The following DDR2 variants were observed in gnomAD, a reference collection of about 807,000 sequenced individuals.
The protein encoded by DDR2 is discoidin domain-containing receptor 2.
In DDR2, 27 loss-of-function variants were observed where a neutral mutation model predicts 94.9. The observed-to-expected ratio is 0.28, with a 90% CI of 0.21 to 0.39. The LOEUF is 0.39. Ranked by LOEUF, DDR2 falls within the 10% of genes least tolerant of loss-of-function variation. The probability of loss-of-function intolerance (pLI) is 1.00; values close to 1 mark genes in which losing one functional copy is unlikely to be tolerated. For missense variants in DDR2, 783 were observed against 1,076.0 expected, an observed-to-expected ratio of 0.73 and a Z score of 3.81; for synonymous variants, 382 against 377.2, an observed-to-expected ratio of 1.01 and a Z score of -0.15.
chr1:162,678,506 A>G (rs1374902946), intron 2 of DDR2, among the ~76,000 whole-genome samples: 1 of 152,232 alleles, frequency 6.6e-6, no homozygotes, highest in African/African-American at 2.4e-5. Context: ...AAGTTAGAGC[A>G]GGGAGGAACC....
chr1:162,644,793 A>G (rs1036376625), intron 1 of DDR2, among the ~76,000 whole-genome samples: 2 of 151,776 alleles, frequency 1.3e-5, no homozygotes, highest in Non-Finnish European at 1.5e-5. Context: ...AGGGGGTTTC[A>G]CTCTGTTGGC....
intron 1 of DDR2, among the ~76,000 whole-genome samples, chr1:162,654,370 T>A (rs6689500): frequency 6.6e-6 from 1 of 151,980 alleles, no homozygotes; most frequent in Non-Finnish European, 1.5e-5. Context: ...CACTTGAGCC[T>A]GGGGGTTCAA....
intron 1 of DDR2, among the ~76,000 whole-genome samples, chr1:162,642,081 C>T (rs749781743): frequency 3.3e-5 from 5 of 152,176 alleles, no homozygotes; most frequent in South Asian, 2.1e-4. Flanking sequence ...CCTCAGCCTC[C>T]GAAGTAGCTG....
intron 7 of DDR2, among the ~76,000 whole-genome samples, chr1:162,757,664 A>G (rs530379654): frequency 1.3e-5 from 2 of 152,284 alleles, no homozygotes; most frequent in African/African-American, 4.8e-5. Context: ...AAGCTGAGGA[A>G]GGACATGATT....
intron 14 of DDR2, among the ~76,000 whole-genome samples, chr1:162,774,899 A>T (rs1477274446): frequency 1.3e-5 from 2 of 152,158 alleles, no homozygotes; most frequent in African/African-American, 4.8e-5. Context: ...CCAGTCCAGG[A>T]TTCCTAGCAA....
chr1:162,673,595 A>ATGTG (rs1375441574), intron 2 of DDR2, among the ~76,000 whole-genome samples: 1 of 105,274 alleles, frequency 9.5e-6, no homozygotes, highest in African/African-American at 4.4e-5. Flanking sequence ...GTGTGTGTGT[A>ATGTG]TGTGTGTGTG....
intron 3 of DDR2, among the ~76,000 whole-genome samples, chr1:162,736,350 T>G (rs1662295949): frequency 6.6e-6 from 1 of 152,240 alleles, no homozygotes; most frequent in Admixed American, 6.5e-5. Flanking sequence ...AGGAGCTTGC[T>G]CAGATCCCAC....
intron 3 of DDR2, among the ~76,000 whole-genome samples, chr1:162,726,548 A>T (rs1398578973): frequency 6.6e-6 from 1 of 152,228 alleles, no homozygotes; most frequent in South Asian, 2.1e-4. Flanking sequence ...TAATGCAAGA[A>T]AAAACAAAGC....
At chr1:162,708,993 C>G (rs1016078472) in intron 2 of DDR2, among the ~76,000 whole-genome samples, 5 of 152,122 alleles carry the variant, frequency 3.3e-5, no homozygotes, top group African/African-American at 1.2e-4. Context: ...GAGACAGGTA[C>G]TAGGTTCTAG....
rs546710317 is a variant in DDR2, at chr1:162,786,185, C to T, written c.*5939C>T. On this transcript the variant is annotated 3_prime_UTR_variant, in exon 18 of 18. Transcript: ENST00000367921. ...GACACAATTGAAAGCTGGCTTCCTG[C>T]AAACACACCAAGAGTCTGTAATCTA... The T allele has an allele frequency of 2.0e-5, 3 of 152,334 alleles. No homozygotes were observed. The South Asian group carries it at 6.2e-4, about 32-fold the overall frequency. 9.4% of individuals were successfully genotyped at this position (152,334 alleles called of 1,614,324 possible).
rs527947181 is a variant in DDR2, at chr1:162,636,223, T to C, written c.-192+3592T>C. 1.5e-4 allele frequency among the ~76,000 whole-genome samples: 23 copies of C among 152,376 alleles called. No individual in the cohort carries two copies. In the South Asian group the frequency reaches 4.8e-3, roughly 32 times the overall value. ...CAGCATTTGGCAAATTGTGTACTTA[T>C]TAGCTGGAATCTTACTTTGGCTTTG... On this transcript the variant is annotated intron_variant, in intron 1 of 17. Coordinates refer to ENST00000367921, the MANE Select transcript of DDR2 (RefSeq NM_006182.4).
In DDR2 at chr1:162,668,909, AG is replaced by A. The variant is rs750765753; in HGVS notation, c.-28+13537del. Among the ~76,000 whole-genome samples the A allele has an allele frequency of 9.9e-5, 15 of 152,212 alleles. No individual in the cohort carries two copies. The East Asian group carries it at 2.9e-3, about 29-fold the overall frequency. On this transcript the variant is annotated intron_variant, in intron 2 of 17. Transcript: ENST00000367921. ...AATTCAACCCACCATGCTATTAAAT[AG>A]GTAGGGATGTGGAGAGATTTGACTT...
Position 162,667,946 on chromosome 1 carries a change from C to A in DDR2, c.-28+12572C>A, listed in dbSNP as rs73018591. ...GGAGACCAAGAATTATTACTCAGAGCATTGGAGAGAGGCTGGAAAGAAAAA... is the reference window on the plus strand; with the variant it reads ...GGAGACCAAGAATTATTACTCAGAGAATTGGAGAGAGGCTGGAAAGAAAAA... On this transcript the variant is annotated intron_variant, in intron 2 of 17. Coordinates refer to ENST00000367921, the MANE Select transcript of DDR2 (RefSeq NM_006182.4). Among the ~76,000 whole-genome samples, 1,256 of 152,136 alleles carry A rather than the reference C, an allele frequency of 8.3e-3. 26 individuals carry two copies. Among genetic ancestry groups the A allele is most frequent in the African/African-American group, 0.028 (1,165 of 41,494 alleles).
Position 162,764,552 on chromosome 1 carries a change from G to A in DDR2, c.1100-1449G>A, listed in dbSNP as rs117345935. Among the ~76,000 whole-genome samples, 9 of 152,212 alleles carry A rather than the reference G, an allele frequency of 5.9e-5. No homozygotes were observed. The East Asian group carries it at 1.5e-3, about 26-fold the overall frequency. On this transcript the variant is annotated intron_variant, in intron 9 of 17. Coordinates refer to ENST00000367921, the MANE Select transcript of DDR2 (RefSeq NM_006182.4). ...CAGGTGTAAAATAACATAAAAGAGA[G>A]GAAGAGACTAATTTAAAGATAAACC...
intron 1 of DDR2, among the ~76,000 whole-genome samples, chr1:162,643,582 G>A (rs1029022658): frequency 6.6e-6 from 1 of 151,808 alleles, no homozygotes; most frequent in South Asian, 2.1e-4. Context: ...CCCGGCTCAG[G>A]TGATTCTCCT....
At position 162,767,408 on chromosome 1, in the gene DDR2, CT is replaced by C. The variant is rs376755450; in HGVS notation, c.1293+51del. The C allele has an allele frequency of 1.0e-4, 165 of 1,607,690 alleles. 1 individual carries two copies. In the African/African-American group the frequency reaches 1.9e-3, roughly 19 times the overall value. On this transcript the variant is annotated intron_variant, in intron 11 of 17. Coordinates refer to ENST00000367921, the MANE Select transcript of DDR2 (RefSeq NM_006182.4). ...GATATAAGAAACTGCTCCTTTCTTT[CT>C]TAAGCCACTGTTGTCCCAGGAGTAA... is the stretch of plus-strand genomic sequence containing the variant.
chr1:162,752,595 C>G (rs1663266189), intron 3 of DDR2, among the ~76,000 whole-genome samples: 1 of 152,184 alleles, frequency 6.6e-6, no homozygotes, highest in Non-Finnish European at 1.5e-5. Context: ...ATGGTTCTAA[C>G]CAGGGCCAAA....
Position 162,682,066 on chromosome 1 carries a change from G to T in DDR2, c.-28+26692G>T, listed in dbSNP as rs563605037. On this transcript the variant is annotated intron_variant, in intron 2 of 17. Coordinates refer to ENST00000367921, the MANE Select transcript of DDR2 (RefSeq NM_006182.4). Reference sequence around the variant, plus strand: ...AGTCCCTGGTCATGTCTGTGTGTTTGCTTTGGACCAGACCCAAGGGCCTGT... The same window carrying T: ...AGTCCCTGGTCATGTCTGTGTGTTTTCTTTGGACCAGACCCAAGGGCCTGT... Among the ~76,000 whole-genome samples the T allele has an allele frequency of 3.9e-5, 6 of 152,206 alleles. No homozygotes were observed. In the South Asian group the frequency reaches 1.2e-3, roughly 32 times the overall value.
chr1:162,689,308 C>T (rs563750265), intron 2 of DDR2, among the ~76,000 whole-genome samples: 1 of 152,304 alleles, frequency 6.6e-6, no homozygotes, highest in South Asian at 2.1e-4. Flanking sequence ...CTGGCTAGTC[C>T]TCACCACAAC....
Sources: gnomAD v4.1 joint callset for allele counts (sites outside exome capture counted in the v4.1 genomes callset) on GRCh38, gnomAD v4.1.1 for gene constraint, MANE v1.5 for transcripts, NCBI Gene and HGNC (gene_info 2026-07-23, HGNC 2026-07-21) for gene names.